The following JAKMIP3 variants were observed in gnomAD, a reference collection of about 807,000 sequenced individuals.
JAKMIP3 encodes the protein janus kinase and microtubule-interacting protein 3.
JAKMIP3 carries 58 observed loss-of-function variants against 118.5 expected under a neutral mutation model. That is an observed-to-expected ratio of 0.49 (90% CI 0.40 to 0.61). The LOEUF (loss-of-function observed/expected upper bound fraction) is 0.61, where lower values mean the gene tolerates loss of function less well. JAKMIP3 is among the 20% of genes least tolerant of loss of function. JAKMIP3 has a pLI of 0.00. For missense variants in JAKMIP3, 950 were observed against 1,109.0 expected, an observed-to-expected ratio of 0.86 and a Z score of 2.04; for synonymous variants, 486 against 451.2, an observed-to-expected ratio of 1.08 and a Z score of -0.98.
chr10:132,144,958 T>C lies in JAKMIP3; in HGVS notation c.1603-149T>C. 1.2e-5 allele frequency: 8 copies of C among 648,492 alleles called. No homozygotes were observed. The South Asian group carries it at 1.4e-4, about 11-fold the overall frequency. The allele number at this position is 648,492 out of a possible 1,614,324, so 40.2% of individuals were successfully genotyped here. On this transcript the variant is annotated intron_variant, in intron 11 of 23. Coordinates refer to ENST00000684848, the MANE Select transcript of JAKMIP3 (RefSeq NM_001323087.2). ...AAAAACAAAACAGTTCTCCCTCTCT[T>C]AGAAAGCATCTCTTCCAAAGGAAGG...
intron 1 of JAKMIP3, among the ~76,000 whole-genome samples, chr10:132,084,609 T>C (rs2042161307): frequency 6.6e-6 from 1 of 152,212 alleles, no homozygotes; most frequent in Non-Finnish European, 1.5e-5. Flanking sequence ...TCCAGTACTA[T>C]GTTGAAGAGA....
intron 3 of JAKMIP3, among the ~76,000 whole-genome samples, chr10:132,129,187 G>T (rs2050146701): frequency 6.6e-6 from 1 of 152,166 alleles, no homozygotes; most frequent in South Asian, 2.1e-4. Context: ...GTTAGGGAAG[G>T]TCTGTTAGTT....
At chr10:132,071,629 G>T (rs562874972) in intron 1 of JAKMIP3, among the ~76,000 whole-genome samples, 2 of 152,262 alleles carry the variant, frequency 1.3e-5, no homozygotes, top group East Asian at 1.9e-4. Context: ...TGTATTTGGG[G>T]TACATATAGA....
intron 22 of JAKMIP3, 106 bp from the exon 23 acceptor site, chr10:132,167,847 T>G: frequency 2.7e-6 from 2 of 729,362 alleles, no homozygotes; most frequent in Non-Finnish European, 2.0e-6. Flanking sequence ...CCCTCGCCCC[T>G]CGCCCCTCAC....
chr10:132,105,596 G>A (rs991594824), intron 2 of JAKMIP3, among the ~76,000 whole-genome samples: 1 of 152,192 alleles, frequency 6.6e-6, no homozygotes, highest in Admixed American at 6.5e-5. Flanking sequence ...CAAGCCCTGG[G>A]GTGGGCTACC....
At chr10:132,104,619 C>G (rs2045624020) in intron 1 of JAKMIP3, 53 bp from the exon 2 acceptor site, 1 of 619,572 alleles carries the variant, frequency 1.6e-6, no homozygotes, top group Non-Finnish European at 2.8e-6. Context: ...CCCCTGAGCT[C>G]CAGGCCACGG....
intron 23 of JAKMIP3, among the ~76,000 whole-genome samples, chr10:132,174,269 A>C (rs1368766488): frequency 1.3e-5 from 2 of 152,112 alleles, no homozygotes; most frequent in African/African-American, 2.4e-5. Context: ...TCATTGTGTC[A>C]GTTTTGCCTC....
intron 1 of JAKMIP3, among the ~76,000 whole-genome samples, chr10:132,104,190 C>T (rs560140834): frequency 2.6e-5 from 4 of 152,056 alleles, no homozygotes; most frequent in Admixed American, 1.3e-4. Flanking sequence ...GCTGGGCGTG[C>T]GCTTCTGTTC....
At position 132,145,052 on chromosome 10, in the gene JAKMIP3, C is replaced by T. The variant is rs909955724; in HGVS notation, c.1603-55C>T. 30 of 1,444,838 alleles carry T rather than the reference C, an allele frequency of 2.1e-5. No individual in the cohort carries two copies. In the East Asian group the frequency reaches 6.4e-4, roughly 31 times the overall value. The allele number at this position is 1,444,838 out of a possible 1,614,324, so 89.5% of individuals were successfully genotyped here. A position where few individuals can be genotyped will look rare whatever the true frequency, so the allele number is the denominator to read the frequency against. ...TTCTGACGTCCCACGAGTGTGTGTG[C>T]TGTCTGTCCCAGCTTTTAGAGAAAA... On this transcript the variant is annotated intron_variant, in intron 11 of 23. Transcript: ENST00000684848.
intron 23 of JAKMIP3, among the ~76,000 whole-genome samples, chr10:132,169,530 C>A (rs1230707774): frequency 6.6e-6 from 1 of 152,120 alleles, no homozygotes; most frequent in Non-Finnish European, 1.5e-5. Context: ...GCTTTCCTCG[C>A]CAGCGGGGTT....
chr10:132,159,471 C>A (rs2057603246), intron 19 of JAKMIP3, among the ~76,000 whole-genome samples: 1 of 129,626 alleles, frequency 7.7e-6, no homozygotes, highest in Non-Finnish European at 1.6e-5. Flanking sequence ...GGGCTCTCTT[C>A]CTGTGTAATG....
chr10:132,098,693 A>G lies in JAKMIP3; in HGVS notation c.-137-5979A>G, dbSNP rs1019907536. 3.3e-5 allele frequency among the ~76,000 whole-genome samples: 5 copies of G among 151,698 alleles called. No homozygotes were observed. In the East Asian group the frequency reaches 9.7e-4, roughly 29 times the overall value. Reference sequence around the variant, plus strand: ...CTGAGTGGCTGCCAGAGCCCCCAGCACCTCCACCGGGCTTCTCCCATCCTG... The same window carrying G: ...CTGAGTGGCTGCCAGAGCCCCCAGCGCCTCCACCGGGCTTCTCCCATCCTG... On this transcript the variant is annotated intron_variant, in intron 1 of 23. Coordinates refer to ENST00000684848, the MANE Select transcript of JAKMIP3 (RefSeq NM_001323087.2).
intron 3 of JAKMIP3, among the ~76,000 whole-genome samples, chr10:132,125,128 G>A (rs1326859047): frequency 6.6e-6 from 1 of 152,204 alleles, no homozygotes; most frequent in Non-Finnish European, 1.5e-5. Flanking sequence ...GTGTGTGTCC[G>A]GTTTGGACAT....
intron 16 of JAKMIP3, among the ~76,000 whole-genome samples, chr10:132,151,976 C>G (rs372515162): frequency 2.0e-5 from 3 of 152,342 alleles, no homozygotes; most frequent in East Asian, 3.9e-4. Flanking sequence ...TTAATCACAT[C>G]TGGGTAGATT....
chr10:132,134,948 G>A (rs1302928776), intron 4 of JAKMIP3, 93 bp from the exon 5 acceptor site: 17 of 1,480,500 alleles, frequency 1.1e-5, no homozygotes. Context: ...GCGTCCCACG[G>A]CAGCGTTTTT....
chr10:132,125,338 C>T (rs1036089890), intron 3 of JAKMIP3, among the ~76,000 whole-genome samples: 1 of 152,236 alleles, frequency 6.6e-6, no homozygotes, highest in Non-Finnish European at 1.5e-5. Flanking sequence ...CCGTCCTTTC[C>T]CCCTGAACTG....
At chr10:132,080,499 T>C (rs1465693864) in intron 1 of JAKMIP3, among the ~76,000 whole-genome samples, 3 of 143,658 alleles carry the variant, frequency 2.1e-5, no homozygotes, top group South Asian at 2.2e-4. Flanking sequence ...TGTCAAGTTA[T>C]AGGATTTTTT....
chr10:132,102,773 C>G (rs1288152494), intron 1 of JAKMIP3, among the ~76,000 whole-genome samples: 1 of 152,218 alleles, frequency 6.6e-6, no homozygotes, highest in Non-Finnish European at 1.5e-5. Flanking sequence ...GCCCCACACC[C>G]ACACAGCTTG....
intron 1 of JAKMIP3, among the ~76,000 whole-genome samples, chr10:132,059,547 G>C (rs1306021659): frequency 6.6e-6 from 1 of 152,226 alleles, no homozygotes; most frequent in South Asian, 2.1e-4. Context: ...TCCCTTTGTG[G>C]GGCTCTTGGG....
Sources: allele counts gnomAD v4.1 joint callset (sites outside exome capture counted in the v4.1 genomes callset), GRCh38; gene constraint gnomAD v4.1.1; transcripts MANE v1.5; gene names NCBI Gene and HGNC (gene_info 2026-07-23, HGNC 2026-07-21).